Variants in PDE6A observed in about 807,000 individuals in gnomAD.
The protein encoded by PDE6A is rod cGMP-specific 3',5'-cyclic phosphodiesterase subunit alpha.
Under a neutral mutation model 106.3 loss-of-function variants are expected in PDE6A, and 84 were observed. That is an observed-to-expected ratio of 0.79 (90% CI 0.66 to 0.95). The LOEUF (loss-of-function observed/expected upper bound fraction) is 0.95. PDE6A is among the 40% of genes least tolerant of loss of function. PDE6A has a pLI of 0.00. For missense variants in PDE6A, 1,052 were observed against 1,084.9 expected (o/e 0.97, Z 0.43); for synonymous variants, 394 against 386.6 (o/e 1.02, Z -0.23).
intron 20 of PDE6A, among the ~76,000 whole-genome samples, chr5:149,864,192 A>G (rs944004987): frequency 1.3e-5 from 2 of 152,118 alleles, no homozygotes; most frequent in Non-Finnish European, 2.9e-5. Context: ...TCTGGGACAC[A>G]AGGATACTCA....
intron 20 of PDE6A, among the ~76,000 whole-genome samples, chr5:149,864,991 G>A (rs1006703903): frequency 2.6e-5 from 4 of 152,208 alleles, no homozygotes; most frequent in African/African-American, 7.2e-5. Flanking sequence ...TGTAATCCCA[G>A]CACTTTGGGA....
intron 4 of PDE6A, among the ~76,000 whole-genome samples, chr5:149,927,714 T>A (rs1355216954): frequency 6.6e-6 from 1 of 152,044 alleles, no homozygotes; most frequent in African/African-American, 2.4e-5. Context: ...ATTTTCTTTT[T>A]AAAAAAATCT....
intron 17 of PDE6A, among the ~76,000 whole-genome samples, chr5:149,875,779 T>C (rs1760717630): frequency 6.6e-6 from 1 of 152,222 alleles, no homozygotes; most frequent in Admixed American, 6.5e-5. Flanking sequence ...GTGGCCACTG[T>C]GCCTGGCCAT....
At chr5:149,921,180 T>G (rs1016807676) in intron 5 of PDE6A, among the ~76,000 whole-genome samples, 4 of 152,168 alleles carry the variant, frequency 2.6e-5, no homozygotes, top group African/African-American at 9.7e-5. Flanking sequence ...TCTGGGTCTC[T>G]TTCCACAGCT....
At chr5:149,872,014 C>T (rs1760576665) in intron 17 of PDE6A, among the ~76,000 whole-genome samples, 1 of 152,136 alleles carries the variant, frequency 6.6e-6, no homozygotes, top group South Asian at 2.1e-4. Flanking sequence ...CAGAAAGAAG[C>T]AAGAGTATGC....
intron 17 of PDE6A, among the ~76,000 whole-genome samples, chr5:149,878,709 G>T (rs113109641): frequency 0.032 from 4,930 of 152,292 alleles, 118 homozygotes; most frequent in Admixed American, 0.054. Context: ...TTGACAATAG[G>T]AGTTAACAAT....
intron 5 of PDE6A, among the ~76,000 whole-genome samples, chr5:149,916,413 A>T (rs1273760324): frequency 6.6e-6 from 1 of 152,098 alleles, no homozygotes; most frequent in African/African-American, 2.4e-5. Flanking sequence ...TGCAGGGTGC[A>T]TCTCTATGTC....
rs1760023391 is a variant in PDE6A, at chr5:149,858,816, C to CATT, written c.*2078_*2079insAAT. The CATT allele has an allele frequency of 1.3e-5, 1 of 79,148 alleles. No homozygotes were observed. Among genetic ancestry groups the CATT allele is most frequent in the Admixed American group, 2.1e-4 (1 of 4,816 alleles). The allele number at this position is 79,148 out of a possible 1,614,324, so 4.9% of individuals were successfully genotyped here. The stretch of plus-strand genomic sequence containing the variant: ...AAGAGAGAAATTCTATCTGCCACAT[C>CATT]TTTTTTTTTTCTTTTTTTTTTTTTT... On this transcript the variant is annotated 3_prime_UTR_variant, in exon 22 of 22. Transcript: ENST00000255266.
chr5:149,935,942 A>G (rs1021225347), intron 1 of PDE6A, among the ~76,000 whole-genome samples: 3 of 152,200 alleles, frequency 2.0e-5, no homozygotes, highest in African/African-American at 4.8e-5. Context: ...GCTTGCGTTC[A>G]GTAGTCCAAG....
intron 1 of PDE6A, among the ~76,000 whole-genome samples, chr5:149,937,213 A>AG (rs976019860): frequency 5.9e-5 from 9 of 152,208 alleles, no homozygotes; most frequent in African/African-American, 2.2e-4. Flanking sequence ...GCCAGCAGGT[A>AG]GGAATGAGGC....
rs1232853737 is a variant in PDE6A, at chr5:149,867,716, T to G, written c.2274+9A>C. The stretch of plus-strand genomic sequence containing the variant: ...CCTAACATCAGGCTGACATCCCCTG[T>G]CTACTCACAATGGGATTCTGTTGCA... On this transcript the variant is annotated intron_variant, in intron 19 of 21. Transcript: ENST00000255266. 1.2e-6 allele frequency: 2 copies of G among 1,612,584 alleles called. No homozygotes were observed. Among genetic ancestry groups the G allele is most frequent in the Non-Finnish European group, 1.7e-6 (2 of 1,178,764 alleles).
chr5:149,943,633 G>A (rs921931167), intron 1 of PDE6A, among the ~76,000 whole-genome samples: 10 of 152,164 alleles, frequency 6.6e-5, no homozygotes, highest in Admixed American at 2.6e-4. Context: ...TAATGGTGTC[G>A]TATCCACATT....
chr5:149,939,393 C>A (rs377056128), intron 1 of PDE6A, among the ~76,000 whole-genome samples: 1 of 152,152 alleles, frequency 6.6e-6, no homozygotes, highest in African/African-American at 2.4e-5. Flanking sequence ...AAGCTCTCAG[C>A]ATTTATGTTC....
At chr5:149,933,043 A>G (rs955474863) in intron 3 of PDE6A, among the ~76,000 whole-genome samples, 3 of 152,176 alleles carry the variant, frequency 2.0e-5, no homozygotes, top group African/African-American at 7.2e-5. Context: ...TCCAGGCTGG[A>G]GTACAGTAGC....
chr5:149,885,570 G>T (rs1752264274), intron 14 of PDE6A, among the ~76,000 whole-genome samples: 1 of 152,172 alleles, frequency 6.6e-6, no homozygotes, highest in Non-Finnish European at 1.5e-5. Flanking sequence ...CACTATATTA[G>T]AAGCACTGTA....
intron 17 of PDE6A, among the ~76,000 whole-genome samples, chr5:149,876,568 T>A (rs967983777): frequency 2.6e-5 from 4 of 152,100 alleles, no homozygotes; most frequent in African/African-American, 9.7e-5. Flanking sequence ...GGTGGTTCCA[T>A]ACCGGCTCAC....
chr5:149,884,354 A>G (rs13175792), intron 16 of PDE6A, 125 bp downstream of exon 16: 144,508 of 675,696 alleles, frequency 0.21, 16,928 homozygotes, highest in Middle Eastern at 0.31. Context: ...GTGTGTATAT[A>G]TGTGTATATA....
chr5:149,910,417 A>G (rs1024763077), intron 6 of PDE6A, among the ~76,000 whole-genome samples: 9 of 152,196 alleles, frequency 5.9e-5, no homozygotes, highest in Non-Finnish European at 1.0e-4. Context: ...ATTAACCTAT[A>G]ACGTAATCTA....
intron 4 of PDE6A, among the ~76,000 whole-genome samples, chr5:149,930,489 G>A (rs185350566): frequency 1.8e-3 from 269 of 152,324 alleles, no homozygotes; most frequent in Non-Finnish European, 2.9e-3. Flanking sequence ...GAAGTTGTTT[G>A]GGAAAACATA....
Sources: allele counts gnomAD v4.1 joint callset (sites outside exome capture counted in the v4.1 genomes callset), GRCh38; gene constraint gnomAD v4.1.1; transcripts MANE v1.5; gene names NCBI Gene and HGNC (gene_info 2026-07-23, HGNC 2026-07-21).